Variants in CRCP observed in about 807,000 individuals in gnomAD.
The protein encoded by CRCP is CGRP receptor component.
In CRCP, 18 loss-of-function variants were observed where a neutral mutation model predicts 18.5. The ratio of observed to expected loss-of-function variants is 0.97; its 90% confidence interval spans 0.67 to 1.44. The LOEUF (loss-of-function observed/expected upper bound fraction) is 1.44. Among genes scored for constraint, CRCP ranks in the 40% most tolerant of loss-of-function variants. CRCP has a pLI of 0.00. For synonymous variants in CRCP, 53 were observed against 62.9 expected (o/e 0.84, Z 0.75); for missense variants, 130 against 176.4 (o/e 0.74, Z 1.49).
intron 3 of CRCP, among the ~76,000 whole-genome samples, chr7:66,132,666 A>C (rs1787842622): frequency 6.6e-6 from 1 of 152,328 alleles, no homozygotes; most frequent in African/African-American, 2.4e-5. Flanking sequence ...TTGTAATCCC[A>C]GCACTTTGGG....
intron 4 of CRCP, among the ~76,000 whole-genome samples, 161 bp from the exon 5 acceptor site, chr7:66,145,282 C>T (rs1300852384): frequency 2.0e-5 from 3 of 152,220 alleles, no homozygotes; most frequent in Admixed American, 6.5e-5. Flanking sequence ...CTCACATACA[C>T]GCTCCTGTTC....
At chr7:66,121,519 GTGCAATCTCAGCTCAC>G (rs1787442362) in intron 1 of CRCP, among the ~76,000 whole-genome samples, 1 of 151,392 alleles carries the variant, frequency 6.6e-6, no homozygotes, top group African/African-American at 2.4e-5. Flanking sequence ...GAGTGCAGTG[GTGCAATCTCAGCTCAC>G]TGCAATCTCC....
intron 1 of CRCP, among the ~76,000 whole-genome samples, chr7:66,120,169 G>A (rs1223888335): frequency 3.3e-5 from 5 of 151,746 alleles, no homozygotes; most frequent in East Asian, 1.9e-4. Flanking sequence ...GGGCGATAGA[G>A]CGAGACCCCG....
chr7:66,114,891 T>A lies in CRCP; in HGVS notation c.-72T>A, dbSNP rs112869265. 2 of 1,608,772 alleles carry A rather than the reference T, an allele frequency of 1.2e-6. No homozygotes were observed. The highest frequency in any genetic ancestry group is 8.5e-7 in the Non-Finnish European group (1 of 1,175,872). Reference sequence around the variant, plus strand: ...GGAGCTGGCACCTTGGCGCTGTTGGTGGCGGCGGAGACAGCTGTGAAGTGT... The same window carrying A: ...GGAGCTGGCACCTTGGCGCTGTTGGAGGCGGCGGAGACAGCTGTGAAGTGT... On this transcript the variant is annotated 5_prime_UTR_variant, in exon 1 of 6. Coordinates refer to ENST00000395326, the MANE Select transcript of CRCP (RefSeq NM_014478.5).
chr7:66,140,687 G>A (rs560486348), intron 4 of CRCP, among the ~76,000 whole-genome samples: 176 of 152,260 alleles, frequency 1.2e-3, no homozygotes, highest in Non-Finnish European at 1.4e-3. Context: ...CACTGCGCCC[G>A]GCTGTGTCGA....
intron 4 of CRCP, among the ~76,000 whole-genome samples, chr7:66,144,214 T>G (rs316327): frequency 0.1 from 15,840 of 152,210 alleles, 1,004 homozygotes; most frequent in South Asian, 0.2. Context: ...TCAGCAATGA[T>G]CTGTTTCTTT....
intron 4 of CRCP, among the ~76,000 whole-genome samples, chr7:66,142,212 C>T (rs573884029): frequency 1.3e-5 from 2 of 152,218 alleles, no homozygotes; most frequent in East Asian, 1.9e-4. Context: ...AACATGAGCC[C>T]CTTTGCTGGA....
intron 4 of CRCP, among the ~76,000 whole-genome samples, chr7:66,139,412 T>A (rs781007843): frequency 6.6e-6 from 1 of 152,244 alleles, no homozygotes; most frequent in Non-Finnish European, 1.5e-5. Flanking sequence ...TTCCCCCAGT[T>A]ATTATAATAG....
At chr7:66,151,824 G>T (rs1379287658) in intron 5 of CRCP, among the ~76,000 whole-genome samples, 3 of 147,970 alleles carry the variant, frequency 2.0e-5, no homozygotes, top group African/African-American at 7.5e-5. Context: ...CGACCTCCTG[G>T]GCTCAAGTGA....
chr7:66,114,881 G>T lies in CRCP; in HGVS notation c.-82G>T. On this transcript the variant is annotated 5_prime_UTR_variant, in exon 1 of 6. Transcript: ENST00000395326. ...CTTGGCGCGCGGAGCTGGCACCTTG[G>T]CGCTGTTGGTGGCGGCGGAGACAGC... 6.2e-7 allele frequency: 1 copy of T among 1,608,740 alleles called. No individual in the cohort carries two copies. The highest frequency in any genetic ancestry group is 8.5e-7 in the Non-Finnish European group (1 of 1,175,782).
rs201648226 is a variant in CRCP at position 66,134,260 on chromosome 7, T to C, written c.145-20T>C. 7.0e-5 allele frequency: 1 copy of C among 14,362 alleles called. No homozygotes were observed. The highest frequency in any genetic ancestry group is 1.3e-4 in the Non-Finnish European group (1 of 7,674). The allele number at this position is 14,362 out of a possible 1,614,324, so 0.9% of individuals were successfully genotyped here. ...CTTTGTCTTATGCTTGGCTTTTTTCTTTTTTTTTTTTTTTGCCAGACGTTA... is the reference window on the plus strand; with the variant it reads ...CTTTGTCTTATGCTTGGCTTTTTTCCTTTTTTTTTTTTTTGCCAGACGTTA... On this transcript the variant is annotated intron_variant, in intron 3 of 5. Transcript: ENST00000395326.
chr7:66,126,505 C>A, intron 1 of CRCP: 1 of 281,886 alleles, frequency 3.5e-6, no homozygotes, highest in South Asian at 3.0e-5. Context: ...TGACCTTGAG[C>A]AAGTTACTTA....
chr7:66,123,672 C>T (rs1584063822), intron 1 of CRCP, among the ~76,000 whole-genome samples: 2 of 150,636 alleles, frequency 1.3e-5, no homozygotes, highest in East Asian at 2.0e-4. Flanking sequence ...CGCTTGAACT[C>T]GGGAAGTGGA....
chr7:66,132,759 A>T (rs1288045429), intron 3 of CRCP, among the ~76,000 whole-genome samples: 1 of 151,974 alleles, frequency 6.6e-6, no homozygotes, highest in South Asian at 2.1e-4. Flanking sequence ...AAATACAAAA[A>T]ATTAGCCGGG....
intron 4 of CRCP, among the ~76,000 whole-genome samples, chr7:66,140,349 G>A (rs1359065174): frequency 1.2e-5 from 1 of 84,868 alleles, no homozygotes; most frequent in Non-Finnish European, 2.2e-5. Context: ...TTTCAGAGTC[G>A]GGTATTTTTT....
At chr7:66,135,989 G>T (rs1252794744) in intron 4 of CRCP, among the ~76,000 whole-genome samples, 2 of 152,038 alleles carry the variant, frequency 1.3e-5, no homozygotes, top group African/African-American at 4.8e-5. Flanking sequence ...CCCACTCCCA[G>T]AATTCAGACC....
chr7:66,144,081 C>T (rs944805667), intron 4 of CRCP, among the ~76,000 whole-genome samples: 1 of 152,138 alleles, frequency 6.6e-6, no homozygotes, highest in African/African-American at 2.4e-5. Flanking sequence ...GGATATGCAG[C>T]CCCAGGGTCA....
chr7:66,128,978 T>C (rs1787701809), intron 2 of CRCP, among the ~76,000 whole-genome samples: 1 of 152,036 alleles, frequency 6.6e-6, no homozygotes, highest in Non-Finnish European at 1.5e-5. Context: ...GAGAGAAGAT[T>C]GCTTGAGGCT....
At chr7:66,143,934 A>T (rs1020012775) in intron 4 of CRCP, among the ~76,000 whole-genome samples, 2 of 152,224 alleles carry the variant, frequency 1.3e-5, no homozygotes, top group Admixed American at 1.3e-4. Context: ...TTCACAGATG[A>T]GGAAACTGAG....
Sources: allele counts gnomAD v4.1 joint callset (sites outside exome capture counted in the v4.1 genomes callset), GRCh38; gene constraint gnomAD v4.1.1; transcripts MANE v1.5; gene names NCBI Gene and HGNC (gene_info 2026-07-23, HGNC 2026-07-21).